The following PDE4D variants were observed in gnomAD, a reference collection of about 807,000 sequenced individuals.
The protein encoded by PDE4D is 3',5'-cyclic-AMP phosphodiesterase 4D.
A neutral mutation model predicts 87.4 loss-of-function variants in PDE4D; 24 were observed. That is an observed-to-expected ratio of 0.27 (90% CI 0.20 to 0.39). PDE4D has a LOEUF of 0.39. Ranked by LOEUF, PDE4D falls within the 10% of genes least tolerant of loss-of-function variation. The pLI is 1.00. For synonymous variants in PDE4D, 384 were observed against 383.2 expected, an observed-to-expected ratio of 1.00 and a Z score of -0.02; for missense variants, 714 against 1,041.0, an observed-to-expected ratio of 0.69 and a Z score of 4.32.
intron 1 of PDE4D, among the ~76,000 whole-genome samples, chr5:59,734,670 T>C (rs1757839697): frequency 6.6e-6 from 1 of 151,496 alleles, no homozygotes; most frequent in Non-Finnish European, 1.5e-5. Flanking sequence ...ATCATTTCGA[T>C]TTCATTGGAT....
chr5:59,827,150 T>C lies in PDE4D; in HGVS notation c.455+66018A>G, dbSNP rs551766039. Among the ~76,000 whole-genome samples, 52 of 152,138 alleles carry C rather than the reference T, an allele frequency of 3.4e-4. 1 individual carries two copies. In the South Asian group the frequency reaches 8.1e-3, roughly 24 times the overall value. On this transcript the variant is annotated intron_variant, in intron 1 of 14. Coordinates refer to ENST00000340635, the MANE Select transcript of PDE4D (RefSeq NM_001104631.2). Reference sequence around the variant, plus strand: ...TCATTTTTTGCTAAGACAGGCCCAATGAACACGAGATAGAAAAGCAAGGTG... The same window carrying C: ...TCATTTTTTGCTAAGACAGGCCCAACGAACACGAGATAGAAAAGCAAGGTG...
At chr5:59,417,779 T>G (rs1793851006) in intron 1 of PDE4D, among the ~76,000 whole-genome samples, 1 of 152,206 alleles carries the variant, frequency 6.6e-6, no homozygotes, top group South Asian at 2.1e-4. Flanking sequence ...TTGTACCACT[T>G]AAACATTCAT....
intron 1 of PDE4D, among the ~76,000 whole-genome samples, chr5:59,869,192 A>G (rs1161166426): frequency 6.6e-6 from 1 of 152,236 alleles, no homozygotes; most frequent in East Asian, 1.9e-4. Flanking sequence ...AACTACAGTA[A>G]GCTCTGAGAG....
intron 1 of PDE4D, among the ~76,000 whole-genome samples, chr5:59,608,227 G>A (rs1442298986): frequency 6.6e-6 from 1 of 152,088 alleles, no homozygotes; most frequent in Admixed American, 6.6e-5. Context: ...GTGCTGACAA[G>A]GATGGATTTT....
At chr5:59,197,352 T>G (rs1422327330) in intron 2 of PDE4D, among the ~76,000 whole-genome samples, 1 of 152,200 alleles carries the variant, frequency 6.6e-6, no homozygotes, top group African/African-American at 2.4e-5. Flanking sequence ...AATATATTAC[T>G]TTTTAATAAA....
At chr5:59,892,045 A>T (rs1751031761) in intron 1 of PDE4D, among the ~76,000 whole-genome samples, 1 of 151,900 alleles carries the variant, frequency 6.6e-6, no homozygotes, top group African/African-American at 2.4e-5. Flanking sequence ...TGTGCCAAGG[A>T]TCAGCAGCTC....
At position 60,407,444 on chromosome 5, in the gene PDE4D, C is replaced by CTT. The variant is rs70975385; in HGVS notation, c.-90+80496_-90+80497dup. 1.0e-2 allele frequency among the ~76,000 whole-genome samples: 801 copies of CTT among 80,132 alleles called. 73 individuals carry two copies. The highest frequency in any genetic ancestry group is 0.019 in the African/African-American group (331 of 17,226). 52.6% of individuals were successfully genotyped at this position (80,132 alleles called of 152,430 possible). ...ATTTGTATTACATTTTTTCTTTTTC[C>CTT]TTTTTTTTTTTTTTTTTTTTTTTTT... On this transcript the variant is annotated intron_variant, in intron 1 of 16. Transcript: ENST00000502484.
chr5:60,082,689 G>A (rs1452266992), intron 2 of PDE4D, among the ~76,000 whole-genome samples: 1 of 152,186 alleles, frequency 6.6e-6, no homozygotes, highest in Non-Finnish European at 1.5e-5. Flanking sequence ...GAGCCAGGAA[G>A]TGCAATTCTA....
rs563139705 is a variant in PDE4D, at chr5:60,143,977, C to T, written c.42+41580G>A. On this transcript the variant is annotated intron_variant, in intron 2 of 16. Transcript: ENST00000502484. ...TCTGAAACACTTTGCTTATTCTTTTCGCTTGATTCAGCAGCAACTTCTGGA... is the reference window on the plus strand; with the variant it reads ...TCTGAAACACTTTGCTTATTCTTTTTGCTTGATTCAGCAGCAACTTCTGGA... Among the ~76,000 whole-genome samples, 7 of 152,194 alleles carry T rather than the reference C, an allele frequency of 4.6e-5. No homozygotes were observed. The South Asian group carries it at 1.0e-3, about 23-fold the overall frequency.
At chr5:59,010,752 G>A (rs1437593399) in intron 6 of PDE4D, among the ~76,000 whole-genome samples, 8 of 152,028 alleles carry the variant, frequency 5.3e-5, no homozygotes, top group South Asian at 2.1e-4. Context: ...TGCAGAAGAC[G>A]GGTGATTTCT....
intron 2 of PDE4D, among the ~76,000 whole-genome samples, chr5:59,992,009 G>A (rs1763053282): frequency 6.6e-6 from 1 of 152,196 alleles, no homozygotes; most frequent in East Asian, 1.9e-4. Flanking sequence ...TCAGCTGCAA[G>A]CACAGCTGGG....
intron 5 of PDE4D, among the ~76,000 whole-genome samples, chr5:59,061,693 A>C (rs750514484): frequency 1.6e-4 from 25 of 152,128 alleles, no homozygotes; most frequent in Non-Finnish European, 3.2e-4. Context: ...ATTCCCCAAT[A>C]GATAGAAATG....
At chr5:60,444,213 A>G (rs1398300590) in intron 1 of PDE4D, among the ~76,000 whole-genome samples, 2 of 152,126 alleles carry the variant, frequency 1.3e-5, no homozygotes, top group Non-Finnish European at 2.9e-5. Context: ...TTCTGTCCTT[A>G]CTTCTGTTAA....
chr5:59,264,168 T>C (rs1352101821), intron 1 of PDE4D, among the ~76,000 whole-genome samples: 1 of 152,022 alleles, frequency 6.6e-6, no homozygotes, highest in Non-Finnish European at 1.5e-5. Flanking sequence ...GCAGCCACAC[T>C]ATGTCCCTCT....
At chr5:60,047,531 T>C (rs1221965654) in intron 2 of PDE4D, among the ~76,000 whole-genome samples, 1 of 152,224 alleles carries the variant, frequency 6.6e-6, no homozygotes, top group East Asian at 1.9e-4. Flanking sequence ...CTCTACACAC[T>C]GCTTTGAATG....
At chr5:59,562,980 C>T (rs533376240) in intron 1 of PDE4D, among the ~76,000 whole-genome samples, 13 of 152,176 alleles carry the variant, frequency 8.5e-5, no homozygotes, top group Admixed American at 8.5e-4. Flanking sequence ...CACTTCCTTC[C>T]GGTGTTGCTT....
intron 2 of PDE4D, among the ~76,000 whole-genome samples, chr5:60,106,088 T>A (rs1776876366): frequency 6.6e-6 from 1 of 152,044 alleles, no homozygotes; most frequent in African/African-American, 2.4e-5. Flanking sequence ...TCAAGACCCA[T>A]CAGTGTGCTG....
intron 2 of PDE4D, among the ~76,000 whole-genome samples, chr5:60,122,437 G>C (rs955170929): frequency 6.6e-6 from 1 of 152,196 alleles, no homozygotes; most frequent in Non-Finnish European, 1.5e-5. Context: ...GGAGGTTCCC[G>C]AACTTCAATT....
intron 1 of PDE4D, among the ~76,000 whole-genome samples, chr5:59,504,931 T>C (rs1808966145): frequency 6.7e-6 from 1 of 150,158 alleles, no homozygotes; most frequent in Non-Finnish European, 1.5e-5. Context: ...TGTGTGTGTG[T>C]GTGTGTGTGC....
Sources: allele counts gnomAD v4.1 joint callset (sites outside exome capture counted in the v4.1 genomes callset), GRCh38; gene constraint gnomAD v4.1.1; transcripts MANE v1.5; gene names NCBI Gene and HGNC (gene_info 2026-07-23, HGNC 2026-07-21).